The following PGM1 variants were observed in gnomAD, a reference collection of about 807,000 sequenced individuals.
The protein encoded by PGM1 is phosphoglucomutase 1, also known as phosphoglucomutase-1.
Under a neutral mutation model 55.6 loss-of-function variants are expected in PGM1, and 52 were observed. That is an observed-to-expected ratio of 0.94 (90% CI 0.75 to 1.18). PGM1 has a LOEUF of 1.18. Ranked by LOEUF, PGM1 falls within the 50% of genes most tolerant of loss-of-function variation. The pLI is 0.00. For synonymous variants in PGM1, 287 were observed against 271.7 expected (o/e 1.06, Z -0.55); for missense variants, 724 against 729.3 (o/e 0.99, Z 0.08).
At position 63,648,653 on chromosome 1, in the gene PGM1, G is replaced by C. The variant is rs547063344; in HGVS notation, c.1280+1G>C. ...AGTATGGCCGGAATTTCTTCACCAG[G>C]TGAGCCACAGCCCAGCTGGGGTACA... On this transcript the variant is annotated splice_donor_variant, in intron 8 of 10. Transcript: ENST00000371084. LOFTEE classifies it high-confidence loss of function. 3.1e-6 allele frequency: 5 copies of C among 1,613,782 alleles called. No individual in the cohort carries two copies. The highest frequency in any genetic ancestry group is 3.3e-5 in the Admixed American group (2 of 60,026).
intron 1 of PGM1, among the ~76,000 whole-genome samples, chr1:63,595,174 C>T (rs1042662770): frequency 2.0e-5 from 3 of 152,086 alleles, no homozygotes; most frequent in African/African-American, 7.2e-5. Flanking sequence ...ATTTTGTTGA[C>T]ATTGAGTACT....
chr1:63,641,852 C>T (rs552008648), intron 7 of PGM1, among the ~76,000 whole-genome samples: 7 of 152,312 alleles, frequency 4.6e-5, no homozygotes, highest in East Asian at 1.9e-4. Flanking sequence ...GCTCAGTAAA[C>T]GCTTGTTGAA....
intron 1 of PGM1, among the ~76,000 whole-genome samples, chr1:63,611,574 G>A (rs1305242210): frequency 6.6e-6 from 1 of 152,134 alleles, no homozygotes; most frequent in African/African-American, 2.4e-5. Flanking sequence ...GGCCCTGAGG[G>A]AAGGGAGGAT....
rs887295837 is a variant in PGM1 at position 63,643,521 on chromosome 1, C to T, written c.1144+4721C>T. ...TTGCTAAGTGGAAGGCCTGACAGTTCCTGGGGCCAGCCTCCTGGGGACTGG... is the reference window on the plus strand; with the variant it reads ...TTGCTAAGTGGAAGGCCTGACAGTTTCTGGGGCCAGCCTCCTGGGGACTGG... On this transcript the variant is annotated intron_variant, in intron 7 of 10. Coordinates refer to ENST00000371084, the MANE Select transcript of PGM1 (RefSeq NM_002633.3). 4.6e-5 allele frequency among the ~76,000 whole-genome samples: 7 copies of T among 152,262 alleles called. No homozygotes were observed. The East Asian group carries it at 7.8e-4, about 17-fold the overall frequency.
intron 1 of PGM1, among the ~76,000 whole-genome samples, chr1:63,602,863 G>A (rs565838035): frequency 6.6e-6 from 1 of 152,240 alleles, no homozygotes; most frequent in East Asian, 1.9e-4. Flanking sequence ...GAGGCTAGGT[G>A]GGTTACGGAC....
intron 1 of PGM1, among the ~76,000 whole-genome samples, chr1:63,600,904 T>C (rs1648224963): frequency 6.6e-6 from 1 of 152,244 alleles, no homozygotes; most frequent in South Asian, 2.1e-4. Flanking sequence ...CTTGGGATAA[T>C]AAGATGTGTA....
chr1:63,624,249 C>G (rs1363965029), intron 1 of PGM1, among the ~76,000 whole-genome samples: 1 of 122 alleles, frequency 8.2e-3, no homozygotes, highest in Non-Finnish European at 0.015. Context: ...CGCAGAAATG[C>G]TAGGAGGGGT....
intron 1 of PGM1, among the ~76,000 whole-genome samples, chr1:63,604,224 T>A (rs1320643312): frequency 6.6e-6 from 1 of 152,318 alleles, no homozygotes; most frequent in East Asian, 1.9e-4. Flanking sequence ...TTTTATAGGT[T>A]CAATCAGCTG....
At chr1:63,632,677 T>G (rs1428708123) in intron 4 of PGM1, among the ~76,000 whole-genome samples, 4 of 152,216 alleles carry the variant, frequency 2.6e-5, no homozygotes, top group Non-Finnish European at 5.9e-5. Context: ...GATTACTTTC[T>G]TCAAAGAATG....
At chr1:63,620,687 G>A (rs561181005) in intron 1 of PGM1, among the ~76,000 whole-genome samples, 2 of 152,346 alleles carry the variant, frequency 1.3e-5, no homozygotes, top group South Asian at 2.1e-4. Flanking sequence ...TGATGCAAAT[G>A]GAAGCTGGAG....
intron 1 of PGM1, 138 bp downstream of exon 1, chr1:63,593,872 T>C (rs1384421837): frequency 1.1e-5 from 14 of 1,284,694 alleles, no homozygotes; most frequent in Non-Finnish European, 1.4e-5. Context: ...CTCCCTCTCC[T>C]TCGCGCTCGC....
rs574543420 is a variant in PGM1 at position 63,609,746 on chromosome 1, G to C, written c.246+16012G>C. 3.3e-5 allele frequency among the ~76,000 whole-genome samples: 5 copies of C among 152,150 alleles called. No individual in the cohort carries two copies. The South Asian group carries it at 6.2e-4, about 19-fold the overall frequency. ...AACGACCAATAATGTACAATACAGGGTACTGTATTTAATAAATTACACGAG... is the reference window on the plus strand; with the variant it reads ...AACGACCAATAATGTACAATACAGGCTACTGTATTTAATAAATTACACGAG... On this transcript the variant is annotated intron_variant, in intron 1 of 10. Coordinates refer to ENST00000371084, the MANE Select transcript of PGM1 (RefSeq NM_002633.3).
At chr1:63,612,054 C>T (rs747228565) in intron 1 of PGM1, among the ~76,000 whole-genome samples, 5 of 151,934 alleles carry the variant, frequency 3.3e-5, no homozygotes, top group Non-Finnish European at 7.4e-5. Context: ...GTCAGAAGTT[C>T]GAGACCAGCC....
intron 1 of PGM1, among the ~76,000 whole-genome samples, chr1:63,594,482 A>G (rs373348426): frequency 6.6e-6 from 1 of 151,992 alleles, no homozygotes; most frequent in African/African-American, 2.4e-5. Context: ...TAGAATGGCA[A>G]CATACCCAAA....
In PGM1 at chr1:63,630,376, A is replaced by G. The variant is rs114544456; in HGVS notation, c.556+288A>G. Among the ~76,000 whole-genome samples, 833 of 152,296 alleles carry G rather than the reference A, an allele frequency of 5.5e-3. 10 individuals carry two copies. Among genetic ancestry groups the G allele is most frequent in the Middle Eastern group, 0.017 (5 of 294 alleles). ...CTAGAAGACCTGCAGGATTACATTC[A>G]TAGTTAACTTTTATTGACCTCTTGC... is the stretch of plus-strand genomic sequence containing the variant. On this transcript the variant is annotated intron_variant, in intron 3 of 10. Coordinates refer to ENST00000371084, the MANE Select transcript of PGM1 (RefSeq NM_002633.3).
chr1:63,638,245 A>G (rs1217572441), intron 6 of PGM1, among the ~76,000 whole-genome samples: 2 of 152,088 alleles, frequency 1.3e-5, no homozygotes, highest in Non-Finnish European at 2.9e-5. Flanking sequence ...TGATCACATA[A>G]CATTCTGGGC....
chr1:63,638,518 G>A (rs1649421799), intron 6 of PGM1, among the ~76,000 whole-genome samples, 167 bp from the exon 7 acceptor site: 1 of 152,062 alleles, frequency 6.6e-6, no homozygotes, highest in East Asian at 1.9e-4. Context: ...ATAGCCCATT[G>A]TGCACAAGGT....
chr1:63,600,827 C>T (rs1329564762), intron 1 of PGM1, among the ~76,000 whole-genome samples: 1 of 152,086 alleles, frequency 6.6e-6, no homozygotes, highest in Non-Finnish European at 1.5e-5. Context: ...TTTTATCGTA[C>T]AAAGGGTCCC....
At chr1:63,619,358 A>G (rs2100973569) in intron 1 of PGM1, among the ~76,000 whole-genome samples, 1 of 152,328 alleles carries the variant, frequency 6.6e-6, no homozygotes, top group Middle Eastern at 3.4e-3. Flanking sequence ...GTATCTTCAC[A>G]GTAGGAGAGG....
Sources: allele counts gnomAD v4.1 joint callset (sites outside exome capture counted in the v4.1 genomes callset), GRCh38; gene constraint gnomAD v4.1.1; transcripts MANE v1.5; gene names NCBI Gene and HGNC (gene_info 2026-07-23, HGNC 2026-07-21).